COL3A1: variants seen among roughly 807,000 people sequenced by gnomAD.
The protein encoded by COL3A1 is collagen type III alpha 1 chain, also known as collagen alpha-1(III) chain.
A neutral mutation model predicts 200.9 loss-of-function variants in COL3A1; 46 were observed. That is an observed-to-expected ratio of 0.23 (90% CI 0.18 to 0.29). The LOEUF (loss-of-function observed/expected upper bound fraction) is 0.29. COL3A1 is among the 10% of genes least tolerant of loss of function. The pLI, the probability that COL3A1 is intolerant of heterozygous loss-of-function variation, is 1.00. For missense variants in COL3A1, 1,367 were observed against 1,917.6 expected (o/e 0.71, Z 5.36); for synonymous variants, 650 against 628.0 (o/e 1.03, Z -0.52).
chr2:188,985,496 C>A (rs957433407), intron 3 of COL3A1, among the ~76,000 whole-genome samples, 169 bp from the exon 4 acceptor site: 2 of 151,864 alleles, frequency 1.3e-5, no homozygotes, highest in African/African-American at 4.8e-5. Flanking sequence ...CAAAGGAATA[C>A]ATTATACTTA....
chr2:188,985,606 T>C (rs565658276), intron 3 of COL3A1, 59 bp from the exon 4 acceptor site: 11 of 1,062,158 alleles, frequency 1.0e-5, no homozygotes, highest in Non-Finnish European at 1.4e-5. Flanking sequence ...AACAATCTGA[T>C]AATGATTGTG....
At chr2:189,002,233 C>T in intron 34 of COL3A1, 65 bp from the exon 35 acceptor site, 2 of 1,272,456 alleles carry the variant, frequency 1.6e-6, no homozygotes, top group Non-Finnish European at 2.3e-6. Context: ...GATAAGATGA[C>T]ATTTCCTGCC....
At chr2:189,005,633 C>A (rs1223478176) in intron 41 of COL3A1, 176 bp downstream of exon 41, 1 of 691,414 alleles carries the variant, frequency 1.4e-6, no homozygotes. Flanking sequence ...AGCTCTTGTT[C>A]ATTAGTATTT....
rs756462302 is a variant in COL3A1 at position 188,998,700 on chromosome 2, T to C, written c.2004T>C (p.Pro668=). The C allele has an allele frequency of 1.2e-6, 2 of 1,613,940 alleles. No homozygotes were observed. Among genetic ancestry groups the C allele is most frequent in the African/African-American group, 2.7e-5 (2 of 75,050 alleles). The change falls in exon 29 of 51, where the codon CCT becomes CCC. Residue 668 remains proline (P), a synonymous_variant. Transcript: ENST00000304636. The part of the protein sequence containing the change: ...EPGPKGDAGA[P]GAPGGKGDAG... Reference sequence around the variant, plus strand: ...GTCCAAAGGGTGATGCCGGTGCACCTGGAGCTCCAGGAGGCAAGGTAGTAT... The same window carrying C: ...GTCCAAAGGGTGATGCCGGTGCACCCGGAGCTCCAGGAGGCAAGGTAGTAT...
Position 188,981,097 on chromosome 2 carries a change from T to G in COL3A1, c.80-3663T>G, listed in dbSNP as rs188684762. Among the ~76,000 whole-genome samples, 12 of 151,616 alleles carry G rather than the reference T, an allele frequency of 7.9e-5. No homozygotes were observed. The East Asian group carries it at 2.3e-3, about 29-fold the overall frequency. Reference sequence around the variant, plus strand: ...TAAGACAAACATAACATTCATTTTTTGTCCAAACAATATGATTTCTTCAAG... The same window carrying G: ...TAAGACAAACATAACATTCATTTTTGGTCCAAACAATATGATTTCTTCAAG... On this transcript the variant is annotated intron_variant, in intron 1 of 50. Transcript: ENST00000304636.
At chr2:189,008,301 A>C in intron 47 of COL3A1, 159 bp downstream of exon 47, 5 of 718,462 alleles carry the variant, frequency 7.0e-6, no homozygotes, top group Non-Finnish European at 1.2e-5. Flanking sequence ...TCACATTAAA[A>C]ATGTTTCTAC....
At chr2:189,006,790 T>C in intron 43 of COL3A1, 147 bp from the exon 44 acceptor site, 3 of 916,576 alleles carry the variant, frequency 3.3e-6, no homozygotes, top group Non-Finnish European at 5.2e-6. Flanking sequence ...TTTAGCACTT[T>C]GAAGGCAAAA....
intron 34 of COL3A1, 130 bp from the exon 35 acceptor site, chr2:189,002,168 G>A (rs994787399): frequency 3.8e-5 from 29 of 768,528 alleles, no homozygotes; most frequent in Non-Finnish European, 6.6e-5. Flanking sequence ...AAAGTCTTCA[G>A]AAGTTTATTG....
intron 40 of COL3A1, among the ~76,000 whole-genome samples, chr2:189,004,776 T>A (rs1688551614): frequency 6.6e-6 from 1 of 152,212 alleles, no homozygotes; most frequent in Non-Finnish European, 1.5e-5. Context: ...CTTTCACTAG[T>A]ATTATATTCC....
intron 43 of COL3A1, 70 bp downstream of exon 43, chr2:189,006,522 G>A: frequency 6.8e-7 from 1 of 1,480,680 alleles, no homozygotes; most frequent in South Asian, 1.2e-5. Flanking sequence ...TAGGTAGAAG[G>A]TAGAATGTCA....
chr2:188,985,370 C>A, intron 3 of COL3A1, 123 bp downstream of exon 3: 1 of 799,082 alleles, frequency 1.3e-6, no homozygotes, highest in Non-Finnish European at 2.1e-6. Flanking sequence ...TGAATAATGG[C>A]ACCAAACAAC....
intron 24 of COL3A1, among the ~76,000 whole-genome samples, chr2:188,996,731 G>C (rs1168061198): frequency 6.6e-6 from 1 of 152,202 alleles, no homozygotes. Flanking sequence ...GCTCACGCCT[G>C]TAATCCCAGC....
At chr2:189,005,526 A>G (rs1312315216) in intron 41 of COL3A1, 69 bp downstream of exon 41, 1 of 1,286,674 alleles carries the variant, frequency 7.8e-7, no homozygotes, top group East Asian at 2.3e-5. Context: ...GGTGAAATTG[A>G]GCTTTAATGT....
In COL3A1 at chr2:189,008,147, G is replaced by A. The variant is rs2153503988; in HGVS notation, c.3525+5G>A. On this transcript the variant is annotated splice_donor_5th_base_variant and intron_variant, in intron 47 of 50. Coordinates refer to ENST00000304636, the MANE Select transcript of COL3A1 (RefSeq NM_000090.4). ...AGAGGTGAAAGAGGATCTGAGGTAAGACATCACTTATACGTATGTGTATTT... is the reference window on the plus strand; with the variant it reads ...AGAGGTGAAAGAGGATCTGAGGTAAAACATCACTTATACGTATGTGTATTT... The A allele has an allele frequency of 6.2e-7, 1 of 1,606,904 alleles. No individual in the cohort carries two copies. Among genetic ancestry groups the A allele is most frequent in the Admixed American group, 1.7e-5 (1 of 59,504 alleles).
intron 41 of COL3A1, 98 bp downstream of exon 41, chr2:189,005,555 C>A: frequency 1.1e-6 from 1 of 936,514 alleles, no homozygotes; most frequent in Non-Finnish European, 1.7e-6. Context: ...GTAAATATGG[C>A]CACATAGCAA....
rs560478513 is a variant in COL3A1, at chr2:189,010,767, A to G, written c.4131A>G (p.Ala1377=). The G allele has an allele frequency of 6.2e-7, 1 of 1,614,182 alleles. No individual in the cohort carries two copies. Among genetic ancestry groups the G allele is most frequent in the Non-Finnish European group, 8.5e-7 (1 of 1,180,010 alleles). ...CATATCACTGCAAAAATAGCATTGC[A>G]TACATGGATCAGGCCAGTGGAAATG... ...NITYHCKNSI[A]YMDQASGNVK... The change falls in exon 50 of 51, where the codon GCA becomes GCG. Residue 1377 remains alanine, a synonymous_variant. Coordinates refer to ENST00000304636, the MANE Select transcript of COL3A1 (RefSeq NM_000090.4).
chr2:188,988,540 T>C (rs776724064), intron 6 of COL3A1, 50 bp from the exon 7 acceptor site: 92 of 1,250,128 alleles, frequency 7.4e-5, no homozygotes, highest in Non-Finnish European at 9.5e-5. Context: ...GTAAATGAAT[T>C]ATATGAAGAT....
chr2:188,974,896 A>C (rs1002068757), intron 1 of COL3A1, among the ~76,000 whole-genome samples: 1 of 152,180 alleles, frequency 6.6e-6, no homozygotes, highest in Non-Finnish European at 1.5e-5. Context: ...TTCCCCAGGC[A>C]GTCTGGAAGT....
intron 13 of COL3A1, 109 bp from the exon 14 acceptor site, chr2:188,992,075 T>C: frequency 1.0e-6 from 1 of 992,548 alleles, no homozygotes; most frequent in South Asian, 1.3e-5. Flanking sequence ...CAGATTTTAA[T>C]GTACTTGAAG....
Sources: allele counts gnomAD v4.1 joint callset (sites outside exome capture counted in the v4.1 genomes callset), GRCh38; gene constraint gnomAD v4.1.1; transcripts MANE v1.5; gene names NCBI Gene and HGNC (gene_info 2026-07-23, HGNC 2026-07-21).